THSD7B: variants seen among roughly 807,000 people sequenced by gnomAD.
The protein encoded by THSD7B is thrombospondin type 1 domain containing 7B, also known as thrombospondin type-1 domain-containing protein 7B.
In THSD7B, 138 loss-of-function variants were observed where a neutral mutation model predicts 213.6. The observed-to-expected ratio is 0.65, with a 90% confidence interval of 0.56 to 0.74. THSD7B has a LOEUF of 0.74. Ranked by LOEUF, THSD7B falls within the 30% of genes least tolerant of loss-of-function variation. THSD7B has a pLI of 0.00. For synonymous variants in THSD7B, 742 were observed against 687.0 expected, an observed-to-expected ratio of 1.08 and a Z score of -1.25; for missense variants, 1,931 against 1,991.5, an observed-to-expected ratio of 0.97 and a Z score of 0.58.
At chr2:137,538,714 T>C (rs1680553196) in intron 15 of THSD7B, among the ~76,000 whole-genome samples, 2 of 151,720 alleles carry the variant, frequency 1.3e-5, no homozygotes, top group South Asian at 4.2e-4. Context: ...TTCAGACACC[T>C]AGGAAATTGA....
chr2:136,814,641 G>A (rs1438705186), intron 1 of THSD7B, among the ~76,000 whole-genome samples: 1 of 152,044 alleles, frequency 6.6e-6, no homozygotes, highest in Non-Finnish European at 1.5e-5. Context: ...CTCGTGATCT[G>A]CCCGCCTCAG....
rs186573572 is a variant in THSD7B at position 137,319,797 on chromosome 2, G to T, written c.2500+43771G>T. Among the ~76,000 whole-genome samples, 196 of 152,226 alleles carry T rather than the reference G, an allele frequency of 1.3e-3. 1 individual carries two copies. The highest frequency in any genetic ancestry group is 1.0e-3 in the South Asian group (5 of 4,822). ...CAGCTTAAAAAATCATTGTTTTCCAGATTTTCTTAAGGCTTGGCGGTGGTG... is the reference window on the plus strand; with the variant it reads ...CAGCTTAAAAAATCATTGTTTTCCATATTTTCTTAAGGCTTGGCGGTGGTG... On this transcript the variant is annotated intron_variant, in intron 12 of 27. Coordinates refer to ENST00000409968, the MANE Select transcript of THSD7B (RefSeq NM_001316349.2).
chr2:137,660,271 C>G (rs1000633652), intron 25 of THSD7B, among the ~76,000 whole-genome samples: 2 of 151,636 alleles, frequency 1.3e-5, no homozygotes, highest in Non-Finnish European at 2.9e-5. Context: ...TCCTATAACT[C>G]CCATCTACCA....
chr2:137,385,081 C>T (rs72977648), intron 12 of THSD7B, among the ~76,000 whole-genome samples: 1 of 152,304 alleles, frequency 6.6e-6, no homozygotes, highest in African/African-American at 2.4e-5. Context: ...AAGAATTTTC[C>T]TGCAGAGCCA....
chr2:137,391,050 T>C (rs1404247861), intron 12 of THSD7B, among the ~76,000 whole-genome samples: 1 of 152,050 alleles, frequency 6.6e-6, no homozygotes, highest in Non-Finnish European at 1.5e-5. Context: ...GTTCTTCATA[T>C]GTTTGGTGAA....
intron 7 of THSD7B, among the ~76,000 whole-genome samples, chr2:137,179,172 T>C (rs1680409334): frequency 6.6e-6 from 1 of 152,116 alleles, no homozygotes; most frequent in Non-Finnish European, 1.5e-5. Flanking sequence ...AACCTTTCAG[T>C]GAGAATTAAT....
intron 2 of THSD7B, among the ~76,000 whole-genome samples, chr2:136,946,703 C>T (rs538224842): frequency 5.9e-5 from 9 of 152,290 alleles, no homozygotes; most frequent in South Asian, 2.1e-4. Context: ...GACACCCCTC[C>T]GCCTGCTGGG....
At chr2:137,471,661 G>C (rs1376526591) in intron 15 of THSD7B, among the ~76,000 whole-genome samples, 1 of 152,050 alleles carries the variant, frequency 6.6e-6, no homozygotes, top group African/African-American at 2.4e-5. Context: ...ATCTAGAAAA[G>C]AGGCTCACAC....
chr2:137,537,086 C>A (rs780489243), intron 15 of THSD7B, among the ~76,000 whole-genome samples: 8 of 151,764 alleles, frequency 5.3e-5, no homozygotes, highest in Non-Finnish European at 8.8e-5. Context: ...AAGAGTGAAG[C>A]AAGTGATACA....
rs529915126 is a variant in THSD7B at position 137,483,825 on chromosome 2, G to A, written c.3138+32802G>A. Among the ~76,000 whole-genome samples, 62 of 152,176 alleles carry A rather than the reference G, an allele frequency of 4.1e-4. 1 individual carries two copies. The highest frequency in any genetic ancestry group is 6.8e-3 in the Middle Eastern group (2 of 294). Reference sequence around the variant, plus strand: ...CAGGTATGACTGGTTATAACCTTACGAATCATTTCGGAGACAGAATTTACA... The same window carrying A: ...CAGGTATGACTGGTTATAACCTTACAAATCATTTCGGAGACAGAATTTACA... On this transcript the variant is annotated intron_variant, in intron 15 of 27. Coordinates refer to ENST00000409968, the MANE Select transcript of THSD7B (RefSeq NM_001316349.2).
rs1038771085 is a variant in THSD7B at position 137,677,516 on chromosome 2, C to T, written c.*911C>T. The T allele has an allele frequency of 6.6e-6, 1 of 152,596 alleles. No homozygotes were observed. The highest frequency in any genetic ancestry group is 1.5e-5 in the Non-Finnish European group (1 of 68,042). 9.5% of individuals were successfully genotyped at this position (152,596 alleles called of 1,614,324 possible). Reference sequence around the variant, plus strand: ...TCTTTCAAATTTAATTATCTGACCTCATTTAATATACATCAAACACCGATC... The same window carrying T: ...TCTTTCAAATTTAATTATCTGACCTTATTTAATATACATCAAACACCGATC... On this transcript the variant is annotated 3_prime_UTR_variant, in exon 28 of 28. Transcript: ENST00000409968.
At chr2:136,839,588 G>T (rs947665584) in intron 1 of THSD7B, among the ~76,000 whole-genome samples, 2 of 151,958 alleles carry the variant, frequency 1.3e-5, no homozygotes, top group Non-Finnish European at 2.9e-5. Context: ...CTTCCTTTAG[G>T]CAGAGCCCCT....
chr2:137,428,880 A>T (rs13424986), intron 14 of THSD7B, among the ~76,000 whole-genome samples: 21,996 of 152,122 alleles, frequency 0.14, 3,905 homozygotes, highest in African/African-American at 0.42. Context: ...GAATTACTTC[A>T]TGGGAGTAAT....
chr2:136,885,568 C>T (rs997997855), intron 2 of THSD7B, among the ~76,000 whole-genome samples: 51 of 152,056 alleles, frequency 3.4e-4, no homozygotes, highest in Admixed American at 2.9e-3. Context: ...ATGTTGTTTG[C>T]GGTTTTAAGT....
At chr2:137,642,162 A>G (rs1271228897) in intron 20 of THSD7B, 1 of 211,024 alleles carries the variant, frequency 4.7e-6, no homozygotes, top group Non-Finnish European at 9.5e-6. Flanking sequence ...ATCATGCTAG[A>G]GCTTAATAAA....
chr2:136,998,261 CAAAA>C (rs33931359), intron 2 of THSD7B, among the ~76,000 whole-genome samples: 236 of 98,402 alleles, frequency 2.4e-3, no homozygotes, highest in African/African-American at 3.0e-3. Context: ...ACTAAAAGGC[CAAAA>C]AAAAAAAAAA....
chr2:137,440,178 A>G (rs1687373384), intron 14 of THSD7B, among the ~76,000 whole-genome samples: 1 of 152,174 alleles, frequency 6.6e-6, no homozygotes, highest in African/African-American at 2.4e-5. Flanking sequence ...CTTGATTGTC[A>G]TGATCCTCTT....
At chr2:137,481,667 C>A (rs775534761) in intron 15 of THSD7B, among the ~76,000 whole-genome samples, 3 of 152,112 alleles carry the variant, frequency 2.0e-5, no homozygotes, top group Non-Finnish European at 4.4e-5. Context: ...TTCTAATAAA[C>A]CTTTATTTAT....
intron 1 of THSD7B, among the ~76,000 whole-genome samples, chr2:136,849,595 G>A (rs1167482408): frequency 6.6e-6 from 1 of 152,130 alleles, no homozygotes; most frequent in African/African-American, 2.4e-5. Context: ...AGTGAAACAT[G>A]CAGGGGGTGG....
Sources: allele counts gnomAD v4.1 joint callset (sites outside exome capture counted in the v4.1 genomes callset), GRCh38; gene constraint gnomAD v4.1.1; transcripts MANE v1.5; gene names NCBI Gene and HGNC (gene_info 2026-07-23, HGNC 2026-07-21).